COLQ: variants seen among roughly 807,000 people sequenced by gnomAD.
COLQ encodes the protein collagen like tail subunit of asymmetric acetylcholinesterase.
COLQ carries 48 observed loss-of-function variants against 69.0 expected under a neutral mutation model. The ratio of observed to expected loss-of-function variants is 0.70; its 90% CI spans 0.55 to 0.88. COLQ has a LOEUF of 0.88. Ranked by LOEUF, COLQ falls within the 40% of genes least tolerant of loss-of-function variation. The pLI is 0.00. For synonymous variants in COLQ, 217 were observed against 211.2 expected (o/e 1.03, Z -0.24); for missense variants, 618 against 594.6 (o/e 1.04, Z -0.41).
chr3:15,494,360 T>C (rs1472802794), intron 1 of COLQ, among the ~76,000 whole-genome samples: 4 of 151,960 alleles, frequency 2.6e-5, no homozygotes, highest in Admixed American at 2.6e-4. Flanking sequence ...GGCCAACATG[T>C]TGCAGGAGGG....
intron 1 of COLQ, among the ~76,000 whole-genome samples, chr3:15,507,592 C>G (rs2062928547): frequency 6.6e-6 from 1 of 152,170 alleles, no homozygotes; most frequent in Admixed American, 6.5e-5. Flanking sequence ...GAAGCTGGGA[C>G]TACAGGTGTG....
intron 16 of COLQ, among the ~76,000 whole-genome samples, chr3:15,452,655 C>T (rs1170074540): frequency 6.6e-6 from 1 of 151,546 alleles, no homozygotes; most frequent in Non-Finnish European, 1.5e-5. Context: ...GAAGAGCCAA[C>T]TCTCTGGCAG....
At chr3:15,492,484 G>A (rs1219358135) in intron 1 of COLQ, among the ~76,000 whole-genome samples, 1 of 152,170 alleles carries the variant, frequency 6.6e-6, no homozygotes, top group African/African-American at 2.4e-5. Flanking sequence ...GGCTAACATA[G>A]TGAAACCCCG....
chr3:15,482,401 TGA>T (rs2062502417), intron 3 of COLQ, among the ~76,000 whole-genome samples: 1 of 152,224 alleles, frequency 6.6e-6, no homozygotes, highest in Non-Finnish European at 1.5e-5. Flanking sequence ...CCTAGTTTAT[TGA>T]GAGTTTTTAG....
chr3:15,512,332 C>T (rs779850309), intron 1 of COLQ, among the ~76,000 whole-genome samples: 3 of 152,104 alleles, frequency 2.0e-5, no homozygotes, highest in Non-Finnish European at 2.9e-5. Flanking sequence ...TCAGCTGTCA[C>T]CAGCTCCCAA....
At chr3:15,501,622 C>T (rs563691049) in intron 1 of COLQ, among the ~76,000 whole-genome samples, 5 of 152,372 alleles carry the variant, frequency 3.3e-5, no homozygotes, top group African/African-American at 1.2e-4. Context: ...TGGTCAGGTT[C>T]CCCTGAGCCC....
chr3:15,456,892 G>A (rs956042034), intron 13 of COLQ, among the ~76,000 whole-genome samples: 1 of 151,648 alleles, frequency 6.6e-6, no homozygotes, highest in South Asian at 2.1e-4. Flanking sequence ...GCGTGATCTC[G>A]GCTCATTGCA....
intron 3 of COLQ, among the ~76,000 whole-genome samples, chr3:15,480,211 T>A (rs2062454249): frequency 6.6e-6 from 1 of 152,252 alleles, no homozygotes; most frequent in Admixed American, 6.5e-5. Context: ...CTTTAAGTTC[T>A]AGGGTACATG....
intron 1 of COLQ, among the ~76,000 whole-genome samples, chr3:15,504,472 TTCTTA>T (rs1275263092): frequency 6.6e-6 from 1 of 152,214 alleles, no homozygotes; most frequent in Non-Finnish European, 1.5e-5. Context: ...AGATTTCCTC[TTCTTA>T]TAAGAACACC....
intron 1 of COLQ, among the ~76,000 whole-genome samples, chr3:15,509,491 G>T (rs2062954967): frequency 6.6e-6 from 1 of 152,210 alleles, no homozygotes; most frequent in African/African-American, 2.4e-5. Context: ...AAGAGCTCCT[G>T]CCTGTGAACT....
In COLQ at chr3:15,451,508, C is replaced by A; in HGVS notation, c.*136G>T. ...CAGTCAGACTGAGTTAACAGCATGTCTTAGTAGCAGGAATTTGTCCTTGTT... is the reference window on the plus strand; with the variant it reads ...CAGTCAGACTGAGTTAACAGCATGTATTAGTAGCAGGAATTTGTCCTTGTT... On this transcript the variant is annotated 3_prime_UTR_variant, in exon 17 of 17. Transcript: ENST00000383788. 1.2e-6 allele frequency: 1 copy of A among 834,408 alleles called. No homozygotes were observed. The highest frequency in any genetic ancestry group is 1.4e-5 in the South Asian group (1 of 73,790). 51.7% of individuals were successfully genotyped at this position (834,408 alleles called of 1,614,324 possible).
intron 12 of COLQ, among the ~76,000 whole-genome samples, chr3:15,459,465 A>G (rs2062074205): frequency 1.3e-5 from 2 of 150,040 alleles, no homozygotes. Flanking sequence ...TTACCACTTT[A>G]GCATAAGGCA....
chr3:15,474,617 A>G (rs1193329911), intron 8 of COLQ, among the ~76,000 whole-genome samples: 1 of 152,250 alleles, frequency 6.6e-6, no homozygotes, highest in Non-Finnish European at 1.5e-5. Context: ...AAAGACATGC[A>G]TCACCAATTT....
In COLQ at chr3:15,517,759, A is replaced by G. The variant is rs995242599; in HGVS notation, c.106+3761T>C. 1.1e-4 allele frequency among the ~76,000 whole-genome samples: 17 copies of G among 152,352 alleles called. 1 individual carries two copies. Among genetic ancestry groups the G allele is most frequent in the East Asian group, 5.8e-4 (3 of 5,194 alleles). ...GCATTTTTAATAATTGCCATGTTCA[A>G]TAGAAATCATTCTAATATATAAATG... is the stretch of plus-strand genomic sequence containing the variant. On this transcript the variant is annotated intron_variant, in intron 1 of 16. Coordinates refer to ENST00000383788, the MANE Select transcript of COLQ (RefSeq NM_005677.4).
intron 1 of COLQ, among the ~76,000 whole-genome samples, chr3:15,501,105 T>G (rs2062822899): frequency 6.6e-6 from 1 of 152,228 alleles, no homozygotes; most frequent in Non-Finnish European, 1.5e-5. Flanking sequence ...TGCCTTAGCC[T>G]GGCACCAGTT....
rs567647339 is a variant in COLQ at position 15,464,357 on chromosome 3, GACA to G, written c.814+1981_814+1983del. Reference sequence around the variant, plus strand: ...GGTATCTGTGGACCACAGGGACTTGGACAACAAGTCTATTTCTATTTCTACTCT... The same window carrying G: ...GGTATCTGTGGACCACAGGGACTTGGACAAGTCTATTTCTATTTCTACTCT... On this transcript the variant is annotated intron_variant, in intron 12 of 16. Transcript: ENST00000383788. Among the ~76,000 whole-genome samples the G allele has an allele frequency of 3.7e-3, 568 of 152,304 alleles. 4 individuals carry two copies. The highest frequency in any genetic ancestry group is 5.4e-3 in the Non-Finnish European group (369 of 68,024).
rs2062051337 is a variant in COLQ at position 15,458,192 on chromosome 3, A to T, written c.948T>A (p.Val316=). 6.2e-7 allele frequency: 1 copy of T among 1,613,564 alleles called. No homozygotes were observed. Among genetic ancestry groups the T allele is most frequent in the Non-Finnish European group, 8.5e-7 (1 of 1,180,042 alleles). ...ESVYGPSSPR[V]PVIFVVNNQE... ...TTCTCCCAGAAAGCCTTACCACAGGAACTCGCGGGGAACTGGGCCCATACA... is the reference window on the plus strand; with the variant it reads ...TTCTCCCAGAAAGCCTTACCACAGGTACTCGCGGGGAACTGGGCCCATACA... Residue 316 remains valine, a synonymous_variant, in exon 13 of 17, where the codon GTT becomes GTA. Coordinates refer to ENST00000383788, the MANE Select transcript of COLQ (RefSeq NM_005677.4).
chr3:15,476,256 G>A (rs887016250), intron 6 of COLQ, among the ~76,000 whole-genome samples: 1 of 152,180 alleles, frequency 6.6e-6, no homozygotes. Context: ...TGAAAAAGCA[G>A]ATTCATGCAT....
At chr3:15,474,321 G>A (rs770909268) in intron 8 of COLQ, 49 bp from the exon 9 acceptor site, 2 of 1,593,566 alleles carry the variant, frequency 1.3e-6, no homozygotes, top group East Asian at 2.2e-5. Context: ...TCCTGGGAGG[G>A]AAATTCAAGC....
Sources: gnomAD v4.1 joint callset for allele counts (sites outside exome capture counted in the v4.1 genomes callset) on GRCh38, gnomAD v4.1.1 for gene constraint, MANE v1.5 for transcripts, NCBI Gene and HGNC (gene_info 2026-07-23, HGNC 2026-07-21) for gene names.